The following ELF5 variants were observed in gnomAD, a reference collection of about 807,000 sequenced individuals.
ELF5 encodes the protein E74 like ETS transcription factor 5.
In ELF5, 31 loss-of-function variants were observed where a neutral mutation model predicts 38.2. That is an observed-to-expected ratio of 0.81 (90% CI 0.61 to 1.10). The LOEUF is 1.10. Ranked by LOEUF, ELF5 falls within the 50% of genes least tolerant of loss-of-function variation. The pLI is 0.00. For synonymous variants in ELF5, 121 were observed against 112.5 expected (o/e 1.08, Z -0.48); for missense variants, 300 against 306.6 (o/e 0.98, Z 0.16).
rs7938013 is a variant in ELF5, at chr11:34,507,762, A to G, written c.-4-2009T>C. 7.4e-3 allele frequency among the ~76,000 whole-genome samples: 1,133 copies of G among 152,382 alleles called. 15 individuals carry two copies. Among genetic ancestry groups the G allele is most frequent in the African/African-American group, 0.026 (1,087 of 41,592 alleles). On this transcript the variant is annotated intron_variant, in intron 1 of 6. Coordinates refer to ENST00000257832, the MANE Select transcript of ELF5 (RefSeq NM_001422.4). The stretch of plus-strand genomic sequence containing the variant: ...CTGATTCTTGAAATAATGTTGACAT[A>G]GAGTAGTTCTTTCCTCGTTTTGCAA...
rs530785142 is a variant in ELF5, at chr11:34,480,160, C to A, written c.*58G>T. ...AATGAAGCCTTTCGAATGTCTATTG[C>A]AATCTGATTGTTTTAAAAGACAGAA... is the stretch of plus-strand genomic sequence containing the variant. On this transcript the variant is annotated 3_prime_UTR_variant, in exon 7 of 7. Transcript: ENST00000257832. The A allele has an allele frequency of 2.9e-6, 4 of 1,395,596 alleles. No individual in the cohort carries two copies. The highest frequency in any genetic ancestry group is 4.0e-6 in the Non-Finnish European group (4 of 989,840). The allele number at this position is 1,395,596 out of a possible 1,614,324, so 86.5% of individuals were successfully genotyped here. A position where few individuals can be genotyped will look rare whatever the true frequency, so the allele number is the denominator to read the frequency against.
chr11:34,501,367 T>C (rs1228088771), intron 2 of ELF5, among the ~76,000 whole-genome samples: 1 of 152,086 alleles, frequency 6.6e-6, no homozygotes, highest in African/African-American at 2.4e-5. Flanking sequence ...TAAGCAAGAT[T>C]CCAAAGCAAA....
At chr11:34,495,987 C>G (rs1377712552) in intron 2 of ELF5, among the ~76,000 whole-genome samples, 1 of 152,156 alleles carries the variant, frequency 6.6e-6, no homozygotes, top group Non-Finnish European at 1.5e-5. Context: ...AGATGGCCAT[C>G]GGTGTGCGGC....
chr11:34,480,233 C>T lies in ELF5; in HGVS notation c.753G>A (p.Gln251=). The change falls in exon 7 of 7, where the codon CAG becomes CAA. Residue 251 remains glutamine, a synonymous_variant. Transcript: ENST00000257832. ...YKFGKNAHGW[Q]EDKL ...CTGGAGCAGATCATAGCTTGTCTTCCTGCCACCCGTGTGCATTTTTTCCAA... is the reference window on the plus strand; with the variant it reads ...CTGGAGCAGATCATAGCTTGTCTTCTTGCCACCCGTGTGCATTTTTTCCAA... 6.2e-7 allele frequency: 1 copy of T among 1,614,014 alleles called. No homozygotes were observed. The highest frequency in any genetic ancestry group is 1.1e-5 in the South Asian group (1 of 91,076).
intron 1 of ELF5, among the ~76,000 whole-genome samples, chr11:34,512,768 A>G (rs1850794544): frequency 6.6e-6 from 1 of 152,164 alleles, no homozygotes; most frequent in South Asian, 2.1e-4. Flanking sequence ...ACCTTAGATT[A>G]TGAAAAACAG....
chr11:34,511,601 C>A, intron 1 of ELF5: 1 of 1,614,122 alleles, frequency 6.2e-7, no homozygotes. Context: ...CCTCCAGTGG[C>A]TTCTGAACCC....
chr11:34,480,870 T>C lies in ELF5; in HGVS notation c.573A>G (p.Gly191=), dbSNP rs1360165560. ...CTTCCGATTTAACCACCCGAAAAATTCCTTGTTCCCTATCTTCCCATTCCA... is the reference window on the plus strand; with the variant it reads ...CTTCCGATTTAACCACCCGAAAAATCCCTTGTTCCCTATCTTCCCATTCCA... ...GILEWEDREQ[G]IFRVVKSEAL... The change falls in exon 6 of 7, where the codon GGA becomes GGG. Residue 191 remains glycine, a synonymous_variant. Coordinates refer to ENST00000257832, the MANE Select transcript of ELF5 (RefSeq NM_001422.4). 6.2e-7 allele frequency: 1 copy of C among 1,614,176 alleles called. No homozygotes were observed. The highest frequency in any genetic ancestry group is 1.7e-5 in the Admixed American group (1 of 60,006).
At chr11:34,483,438 C>T (rs1485577921) in intron 4 of ELF5, among the ~76,000 whole-genome samples, 1 of 151,954 alleles carries the variant, frequency 6.6e-6, no homozygotes, top group East Asian at 1.9e-4. Context: ...ATAGTAGGTG[C>T]TCAGTATCAT....
intron 2 of ELF5, among the ~76,000 whole-genome samples, chr11:34,502,177 G>A (rs569609360): frequency 2.0e-5 from 3 of 152,352 alleles, no homozygotes; most frequent in African/African-American, 7.2e-5. Flanking sequence ...GGAGGCAGAG[G>A]AAAGCATATC....
intron 2 of ELF5, among the ~76,000 whole-genome samples, chr11:34,504,797 G>T (rs957855713): frequency 6.6e-6 from 1 of 152,068 alleles, no homozygotes; most frequent in Non-Finnish European, 1.5e-5. Context: ...GCCTCCCTCC[G>T]GCATGGGATT....
intron 1 of ELF5, 26 bp from the exon 2 acceptor site, chr11:34,505,779 G>A (rs1252537990): frequency 6.2e-7 from 1 of 1,609,384 alleles, no homozygotes; most frequent in Non-Finnish European, 8.5e-7. Context: ...AGGTCGTGAG[G>A]AGGCTGGGGT....
intron 2 of ELF5, among the ~76,000 whole-genome samples, chr11:34,495,246 CAG>C (rs1332641812): frequency 2.0e-5 from 3 of 152,192 alleles, no homozygotes; most frequent in Non-Finnish European, 4.4e-5. Context: ...AGGCAGAGAG[CAG>C]AGAGTGGCTA....
chr11:34,484,481 AACTATACTATACTATACTAT>A (rs67918732), intron 4 of ELF5, among the ~76,000 whole-genome samples: 20 of 115,922 alleles, frequency 1.7e-4, no homozygotes, highest in East Asian at 1.2e-3. Context: ...ACACTATACT[AACTATACTATACTATACTAT>A]ACTATACTAT....
At chr11:34,493,758 C>A (rs1272465033) in intron 2 of ELF5, 46 bp from the exon 3 acceptor site, 2 of 1,559,760 alleles carry the variant, frequency 1.3e-6, no homozygotes, top group Non-Finnish European at 1.8e-6. Context: ...CCCAAGACAG[C>A]CTTCGAGAGG....
chr11:34,513,238 C>A (rs1487536660), intron 1 of ELF5, among the ~76,000 whole-genome samples: 1 of 149,148 alleles, frequency 6.7e-6, no homozygotes, highest in Non-Finnish European at 1.5e-5. Context: ...TTCTCTGTAT[C>A]GAGGGGGTGG....
At chr11:34,511,439 A>G (rs1850753543) in intron 1 of ELF5, 1 of 1,484,638 alleles carries the variant, frequency 6.7e-7, no homozygotes, top group South Asian at 1.2e-5. Context: ...AAATGTAGTC[A>G]TCATTCTAGC....
At position 34,505,642 on chromosome 11, in the gene ELF5, A is replaced by G; in HGVS notation, c.108T>C (p.Phe36=). Residue 36 remains phenylalanine (F), a synonymous_variant, in exon 2 of 7, where the codon TTT becomes TTC. Coordinates refer to ENST00000257832, the MANE Select transcript of ELF5 (RefSeq NM_001422.4). ...AAATGTACGCACCTGTCTGATGCTC[A>G]AAGGCAGGGTAGTACTCTTCATTGC... ...LFSNEEYYPA[F]EHQTACDSYW... is the part of the protein sequence containing the mutation. 2 of 1,613,958 alleles carry G rather than the reference A, an allele frequency of 1.2e-6. No homozygotes were observed. Among genetic ancestry groups the G allele is most frequent in the Admixed American group, 1.7e-5 (1 of 60,004 alleles).
intron 4 of ELF5, among the ~76,000 whole-genome samples, chr11:34,488,814 G>A (rs1850079809): frequency 6.6e-6 from 1 of 152,230 alleles, no homozygotes; most frequent in Admixed American, 6.5e-5. Context: ...GCAAATGCCT[G>A]CCTGTGGCTC....
chr11:34,492,514 A>G (rs574915455), intron 3 of ELF5: 1 of 152,348 alleles, frequency 6.6e-6, no homozygotes, highest in East Asian at 1.9e-4. Context: ...CTTTAAAAAG[A>G]TCCTTCTTAA....
Sources: allele counts gnomAD v4.1 joint callset (sites outside exome capture counted in the v4.1 genomes callset), GRCh38; gene constraint gnomAD v4.1.1; transcripts MANE v1.5; gene names NCBI Gene and HGNC (gene_info 2026-07-23, HGNC 2026-07-21).